Variants in AGBL1 observed in about 807,000 individuals in gnomAD.
The protein encoded by AGBL1 is cytosolic carboxypeptidase 4.
In AGBL1, 130 loss-of-function variants were observed where a neutral mutation model predicts 118.9. The ratio of observed to expected loss-of-function variants is 1.09; its 90% CI spans 0.95 to 1.26. The LOEUF (loss-of-function observed/expected upper bound fraction) is 1.26, where lower values mean the gene tolerates loss of function less well. Ranked by LOEUF, AGBL1 falls within the 50% of genes most tolerant of loss-of-function variation. AGBL1 has a pLI of 0.00. For missense variants in AGBL1, 1,584 were observed against 1,298.1 expected, an observed-to-expected ratio of 1.22 and a Z score of -3.38; for synonymous variants, 555 against 478.9, an observed-to-expected ratio of 1.16 and a Z score of -2.08.
At chr15:86,779,886 T>C (rs1317751085) in intron 22 of AGBL1, among the ~76,000 whole-genome samples, 1 of 151,538 alleles carries the variant, frequency 6.6e-6, no homozygotes, top group Non-Finnish European at 1.5e-5. Context: ...GTTTTTCTGA[T>C]TGAGTTGGAA....
chr15:86,387,788 A>T (rs2081218799), intron 17 of AGBL1, among the ~76,000 whole-genome samples: 1 of 152,192 alleles, frequency 6.6e-6, no homozygotes, highest in Admixed American at 6.5e-5. Context: ...TAGGACCATC[A>T]GAATCTCTGT....
chr15:86,777,757 C>T (rs1337648576), intron 22 of AGBL1, among the ~76,000 whole-genome samples: 1 of 152,034 alleles, frequency 6.6e-6, no homozygotes, highest in African/African-American at 2.4e-5. Context: ...TGACAACAGC[C>T]ATGTTACCTC....
chr15:86,117,178 C>G (rs1048696894), intron 1 of AGBL1, among the ~76,000 whole-genome samples: 6 of 151,974 alleles, frequency 3.9e-5, no homozygotes, highest in African/African-American at 1.5e-4. Flanking sequence ...CTCTGGTTTC[C>G]CTCCATCCTG....
Position 86,792,207 on chromosome 15 carries a change from G to C in AGBL1, c.3159-114880G>C, listed in dbSNP as rs575165225. On this transcript the variant is annotated intron_variant, in intron 22 of 22. Coordinates refer to ENST00000614907, the MANE Select transcript of AGBL1 (RefSeq NM_001386094.1). The stretch of plus-strand genomic sequence containing the variant: ...CAGCTGTCCCTTAAGCATTAGAACA[G>C]AGTACTTTACTTTTGCTCTGCATCA... 2.0e-5 allele frequency among the ~76,000 whole-genome samples: 3 copies of C among 152,308 alleles called. No homozygotes were observed. The South Asian group carries it at 6.2e-4, about 32-fold the overall frequency.
At chr15:86,759,166 G>A (rs2077987246) in intron 22 of AGBL1, among the ~76,000 whole-genome samples, 1 of 151,968 alleles carries the variant, frequency 6.6e-6, no homozygotes, top group Admixed American at 6.6e-5. Context: ...TTCATGTTTA[G>A]TTCAGAGATC....
At chr15:86,447,682 C>T (rs773921175) in intron 18 of AGBL1, among the ~76,000 whole-genome samples, 1 of 152,232 alleles carries the variant, frequency 6.6e-6, no homozygotes, top group Non-Finnish European at 1.5e-5. Flanking sequence ...AAGCATGAAC[C>T]AGACACTAGA....
Position 86,574,570 on chromosome 15 carries a change from A to ATTTT in AGBL1, c.2994+20054_2994+20057dup, listed in dbSNP as rs776642678. On this transcript the variant is annotated intron_variant, in intron 21 of 22. Coordinates refer to ENST00000614907, the MANE Select transcript of AGBL1 (RefSeq NM_001386094.1). ...TTCTATACAATTCTTAAAAGTTTTA[A>ATTTT]TTTTTTTTTTTTTTTTTTTTTTTTG... 8.6e-3 allele frequency among the ~76,000 whole-genome samples: 723 copies of ATTTT among 83,728 alleles called. 4 individuals carry two copies. The highest frequency in any genetic ancestry group is 0.012 in the East Asian group (28 of 2,424). 54.9% of individuals were successfully genotyped at this position (83,728 alleles called of 152,430 possible).
At chr15:86,223,500 C>T (rs535430666) in intron 5 of AGBL1, among the ~76,000 whole-genome samples, 10 of 152,286 alleles carry the variant, frequency 6.6e-5, no homozygotes, top group African/African-American at 2.2e-4. Context: ...AAACACCTTC[C>T]ATGTGTTCCG....
At chr15:86,292,919 T>C (rs931703372) in intron 16 of AGBL1, among the ~76,000 whole-genome samples, 2 of 152,184 alleles carry the variant, frequency 1.3e-5, no homozygotes, top group Admixed American at 1.3e-4. Context: ...ATAATAGTCA[T>C]GTTAATGTAG....
At chr15:86,326,338 G>T (rs775244773) in intron 17 of AGBL1, among the ~76,000 whole-genome samples, 14 of 152,108 alleles carry the variant, frequency 9.2e-5, no homozygotes, top group Non-Finnish European at 1.9e-4. Flanking sequence ...TAGCCATCTG[G>T]TGTGGGGGAA....
chr15:86,490,537 AT>A (rs201742647), intron 18 of AGBL1, among the ~76,000 whole-genome samples: 33 of 151,040 alleles, frequency 2.2e-4, no homozygotes, highest in Admixed American at 1.6e-3. Flanking sequence ...AGTTGAGATT[AT>A]TTTTTTTTAC....
chr15:86,394,482 G>C (rs74900940), intron 17 of AGBL1, among the ~76,000 whole-genome samples: 3,886 of 152,148 alleles, frequency 0.026, 67 homozygotes, highest in Middle Eastern at 0.068. Flanking sequence ...ATTATTATAA[G>C]GATGACTTTA....
chr15:86,309,019 T>C (rs1044731850), intron 17 of AGBL1, among the ~76,000 whole-genome samples: 6 of 152,246 alleles, frequency 3.9e-5, no homozygotes, highest in Non-Finnish European at 8.8e-5. Context: ...TTGGATAGTA[T>C]GGCAATTTTA....
At chr15:86,418,340 G>A (rs2142019704) in intron 18 of AGBL1, among the ~76,000 whole-genome samples, 1 of 152,232 alleles carries the variant, frequency 6.6e-6, no homozygotes, top group Middle Eastern at 3.4e-3. Context: ...AGGATATCTT[G>A]AGAGACTTTT....
intron 21 of AGBL1, among the ~76,000 whole-genome samples, chr15:86,628,509 A>T (rs892428116): frequency 5.3e-5 from 8 of 152,150 alleles, no homozygotes; most frequent in Non-Finnish European, 1.0e-4. Flanking sequence ...CTTTAAAAAA[A>T]TTTTTGGCTG....
chr15:86,873,511 A>G (rs2141511402), intron 22 of AGBL1, among the ~76,000 whole-genome samples: 1 of 152,296 alleles, frequency 6.6e-6, no homozygotes, highest in South Asian at 2.1e-4. Flanking sequence ...TACATATTGA[A>G]ATTCCAGGCC....
intron 17 of AGBL1, among the ~76,000 whole-genome samples, chr15:86,339,251 T>A (rs892331871): frequency 6.6e-6 from 1 of 152,196 alleles, no homozygotes; most frequent in African/African-American, 2.4e-5. Flanking sequence ...TAAGGTGTTA[T>A]CCATTTCTTG....
At chr15:86,290,038 G>A (rs951258682) in intron 16 of AGBL1, among the ~76,000 whole-genome samples, 5 of 152,080 alleles carry the variant, frequency 3.3e-5, no homozygotes, top group African/African-American at 1.2e-4. Flanking sequence ...CAGTTTTCAA[G>A]AATTAAATAA....
Position 86,674,435 on chromosome 15 carries a change from C to A in AGBL1, c.3157C>A (p.Arg1053=). The A allele has an allele frequency of 1.2e-6, 2 of 1,603,286 alleles. No homozygotes were observed. The highest frequency in any genetic ancestry group is 8.5e-7 in the Non-Finnish European group (1 of 1,171,996). The change falls in exon 22 of 23, where the codon CGG becomes AGG. Residue 1053 remains arginine (R), a splice_region_variant and synonymous_variant. Transcript: ENST00000614907. The part of the protein sequence containing the change: ...EEDALDQHLQ[R]CSSSSGSVPS... ...GGACGCTCTGGACCAGCACCTCCAA[C>A]GGTAAGATGCTCCCAAGGGCTCAGA...
Sources: gnomAD v4.1 joint callset for allele counts (sites outside exome capture counted in the v4.1 genomes callset) on GRCh38, gnomAD v4.1.1 for gene constraint, MANE v1.5 for transcripts, NCBI Gene and HGNC (gene_info 2026-07-23, HGNC 2026-07-21) for gene names.